The following ZNF692 variants were observed in gnomAD, a reference collection of about 807,000 sequenced individuals.
The protein encoded by ZNF692 is AICAR responsive element binding protein.
ZNF692 carries 41 observed loss-of-function variants against 49.0 expected under a neutral mutation model. The ratio of observed to expected loss-of-function variants is 0.84; its 90% CI spans 0.65 to 1.08. ZNF692 has a LOEUF of 1.08. ZNF692 is among the 50% of genes least tolerant of loss of function. The pLI, the probability that ZNF692 is intolerant of heterozygous loss-of-function variation, is 0.00. For missense variants in ZNF692, 662 were observed against 662.2 expected (o/e 1.00, Z 0.00); for synonymous variants, 288 against 251.5 (o/e 1.15, Z -1.37).
chr1:248,858,256 C>G lies in ZNF692; in HGVS notation c.54G>C (p.Arg18=). The change falls in exon 2 of 12, where the codon CGG becomes CGC. Residue 18 remains arginine, a synonymous_variant. Transcript: ENST00000306601. This position sits in a 1 kb window ranked among gnomAD's most constrained non-coding sequence, Gnocchi z 4.3. Reference sequence around the variant, plus strand: ...ACTTGCTGCGGCGCGCGTCCAGCTGCCGCCGCTTCTCCCGCCGCCTGCAGG... The same window carrying G: ...ACTTGCTGCGGCGCGCGTCCAGCTGGCGCCGCTTCTCCCGCCGCCTGCAGG... ...DVSCRRREKR[R]QLDARRSKCR... The G allele has an allele frequency of 6.3e-7, 1 of 1,583,172 alleles. No homozygotes were observed.
At chr1:248,851,595 C>G (rs1425788430) in intron 10 of ZNF692, among the ~76,000 whole-genome samples, 1 of 151,966 alleles carries the variant, frequency 6.6e-6, no homozygotes, top group African/African-American at 2.4e-5. Flanking sequence ...CATCACTCCC[C>G]CTCCATCCAC....
chr1:248,854,348 T>C, intron 9 of ZNF692: 2 of 322,616 alleles, frequency 6.2e-6, no homozygotes, highest in Admixed American at 4.3e-5. Context: ...TCCTGCAATG[T>C]TCCCTGTACA....
Position 248,850,021 on chromosome 1 carries a change from GTTTAT to G in ZNF692, c.*184_*188del. The G allele has an allele frequency of 1.8e-6, 1 of 553,388 alleles. No homozygotes were observed. Among genetic ancestry groups the G allele is most frequent in the Non-Finnish European group, 3.0e-6 (1 of 331,080 alleles). The allele number at this position is 553,388 out of a possible 1,614,324, so 34.3% of individuals were successfully genotyped here. ...CCCACACATGCCTGCATAAAATACT[GTTTAT>G]TTTGTCCTTTAGGAAGACTAAAGTA... On this transcript the variant is annotated 3_prime_UTR_variant, in exon 12 of 12. Transcript: ENST00000306601.
At chr1:248,852,770 T>C (rs1402575335) in intron 10 of ZNF692, among the ~76,000 whole-genome samples, 1 of 152,092 alleles carries the variant, frequency 6.6e-6, no homozygotes, top group Non-Finnish European at 1.5e-5. Flanking sequence ...TTTTCTATAC[T>C]CAGTTCCTCA....
chr1:248,850,424 G>A lies in ZNF692; in HGVS notation c.1346C>T (p.Pro449Leu). The change falls in exon 12 of 12, where the codon CCC becomes CTC. Residue 449 changes from proline to leucine, a missense_variant. Pro to Leu is a moderately conservative substitution (Grantham distance 98). Coordinates refer to ENST00000306601, the MANE Select transcript of ZNF692 (RefSeq NM_017865.4). ...AAAGCGCTTGCCGCAGAATTCACAG[G>A]GGAAGCGCAAGGCAGCCACCGTCTC... ...HAETVAALRF[P>L]CEFCGKRFEK... The A allele has an allele frequency of 1.2e-6, 2 of 1,614,140 alleles. No homozygotes were observed. The highest frequency in any genetic ancestry group is 1.7e-6 in the Non-Finnish European group (2 of 1,180,022).
At position 248,858,666 on chromosome 1, in the gene ZNF692, T is replaced by G; in HGVS notation, c.-13+252A>C. 5 of 1,003,848 alleles carry G rather than the reference T, an allele frequency of 5.0e-6. No homozygotes were observed. The South Asian group carries it at 6.9e-5, about 14-fold the overall frequency. The allele number at this position is 1,003,848 out of a possible 1,614,324, so 62.2% of individuals were successfully genotyped here. On this transcript the variant is annotated intron_variant, in intron 1 of 11. Coordinates refer to ENST00000306601, the MANE Select transcript of ZNF692 (RefSeq NM_017865.4). The surrounding 1 kb of genome is among the most constrained non-coding windows in gnomAD (Gnocchi z 4.3). ...TGGGGGCGGTCCACACATTTCATCT[T>G]GAATAGGGCAGCGGCCTTTACTGGT... is the stretch of plus-strand genomic sequence containing the variant.
At position 248,850,975 on chromosome 1, in the gene ZNF692, T is replaced by C. The variant is rs1017249223; in HGVS notation, c.1154-194A>G. On this transcript the variant is annotated intron_variant, in intron 10 of 11. Transcript: ENST00000306601. ...GATGGGTCATGACAACCAAGTAAGA[T>C]ACGAACCCAGCTAAAAGACTTCATT... is the stretch of plus-strand genomic sequence containing the variant. 4.9e-5 allele frequency: 34 copies of C among 700,556 alleles called. No homozygotes were observed. In the African/African-American group the frequency reaches 5.4e-4, roughly 11 times the overall value. The allele number at this position is 700,556 out of a possible 1,614,324, so 43.4% of individuals were successfully genotyped here.
chr1:248,850,736 G>A lies in ZNF692; in HGVS notation c.1199C>T (p.Thr400Ile), dbSNP rs761612995. ...ICEFCARSFRTSSNLVIHRRI... is the reference protein window; with the variant it reads ...ICEFCARSFRISSNLVIHRRI... ...TCTGTGGATGACAAGGTTGCTGCTA[G>A]TGCGGAAAGACCGGGCGCAGAACTC... The change falls in exon 11 of 12, where the codon ACT becomes ATT. Residue 400 changes from threonine to isoleucine, a missense_variant. Physicochemically the swap from Thr to Ile is moderately conservative, Grantham distance 89. Transcript: ENST00000306601. 2.5e-6 allele frequency: 4 copies of A among 1,614,006 alleles called. No individual in the cohort carries two copies. In the South Asian group the frequency reaches 4.4e-5, roughly 18 times the overall value.
Position 248,854,412 on chromosome 1 carries a change from G to C in ZNF692, c.1039-361C>G, listed in dbSNP as rs182984209. On this transcript the variant is annotated intron_variant, in intron 9 of 11. Transcript: ENST00000306601. ...TCACCTAATCATGAATGCACTATCT[G>C]CTGCAGAGGGGAAAGCAGTTTGGGT... The C allele has an allele frequency of 1.9e-3, 368 of 197,864 alleles. 1 individual carries two copies. The highest frequency in any genetic ancestry group is 6.0e-3 in the Middle Eastern group (3 of 498). The allele number at this position is 197,864 out of a possible 1,614,324, so 12.3% of individuals were successfully genotyped here.
chr1:248,853,772 G>A (rs1160620014), intron 10 of ZNF692, among the ~76,000 whole-genome samples, 165 bp downstream of exon 10: 12 of 152,232 alleles, frequency 7.9e-5, no homozygotes, highest in Non-Finnish European at 1.0e-4. Flanking sequence ...GGGCATACAG[G>A]ATGAGGGAGA....
At chr1:248,851,607 C>A (rs1180785849) in intron 10 of ZNF692, among the ~76,000 whole-genome samples, 1 of 152,052 alleles carries the variant, frequency 6.6e-6, no homozygotes, top group Non-Finnish European at 1.5e-5. Flanking sequence ...TCCATCCACA[C>A]AACTCTAGGT....
intron 3 of ZNF692, 28 bp from the exon 4 acceptor site, chr1:248,857,525 T>C (rs749759379): frequency 8.8e-6 from 14 of 1,596,436 alleles, no homozygotes; most frequent in African/African-American, 4.0e-5. Flanking sequence ...GCAGTCAGGC[T>C]GAACTGGGAA....
intron 3 of ZNF692, 70 bp from the exon 4 acceptor site, chr1:248,857,567 C>A: frequency 6.5e-7 from 1 of 1,545,042 alleles, no homozygotes; most frequent in Non-Finnish European, 8.7e-7. Context: ...GAGCCATACC[C>A]AGGGAGCCCT....
At position 248,858,444 on chromosome 1, in the gene ZNF692, A is replaced by G; in HGVS notation, c.-12-123T>C. The G allele has an allele frequency of 1.9e-6, 3 of 1,551,426 alleles. No homozygotes were observed. The highest frequency in any genetic ancestry group is 2.6e-6 in the Non-Finnish European group (3 of 1,146,746). On this transcript the variant is annotated intron_variant, in intron 1 of 11. Transcript: ENST00000306601. This position sits in a 1 kb window ranked among gnomAD's most constrained non-coding sequence, Gnocchi z 4.3. ...ACTGGGGCAAGACTAAACTATTTCA[A>G]TAGCAGTGGCAGGTGTGGAGCCAAA...
Position 248,858,222 on chromosome 1 carries a change from G to A in ZNF692, c.88C>T (p.Arg30Cys). The A allele has an allele frequency of 1.9e-6, 3 of 1,592,948 alleles. No homozygotes were observed. Among genetic ancestry groups the A allele is most frequent in the South Asian group, 2.2e-5 (2 of 90,024 alleles). Residue 30 changes from arginine to cysteine, a missense_variant, in exon 2 of 12, where the codon CGC becomes TGC. Physicochemically the swap from Arg to Cys is radical, Grantham distance 180. Coordinates refer to ENST00000306601, the MANE Select transcript of ZNF692 (RefSeq NM_017865.4). This position sits in a 1 kb window ranked among gnomAD's most constrained non-coding sequence, Gnocchi z 4.3. ...CACTGCTCCATGTGGCCGCCCAGGC[G>A]GATGCGGCACTTGCTGCGGCGCGCG... ...LDARRSKCRI[R>C]LGGHMEQWCL...
At chr1:248,857,776 C>T in intron 3 of ZNF692, 52 bp downstream of exon 3, 2 of 1,600,024 alleles carry the variant, frequency 1.2e-6, no homozygotes, top group South Asian at 1.1e-5. Flanking sequence ...TTCTGGGTCA[C>T]CCTGTGGTCC....
At chr1:248,851,778 A>G (rs773252930) in intron 10 of ZNF692, among the ~76,000 whole-genome samples, 1 of 152,192 alleles carries the variant, frequency 6.6e-6, no homozygotes. Context: ...TTCTTCTAAG[A>G]TACAGTGGGT....
chr1:248,857,264 A>T lies in ZNF692; in HGVS notation c.445T>A (p.Ser149Thr). Reference protein sequence around the residue: ...LPHTTRRSWCSEATSGQELAD... With the variant: ...LPHTTRRSWCTEATSGQELAD... ...AGCTCCTGCCCACTCGTGGCCTCGGAACACCAACTTCTCCGAGTAGTATGT... is the reference window on the plus strand; with the variant it reads ...AGCTCCTGCCCACTCGTGGCCTCGGTACACCAACTTCTCCGAGTAGTATGT... Residue 149 changes from serine to threonine, a missense_variant, in exon 4 of 12, where the codon TCC becomes ACC. Ser to Thr is a moderately conservative substitution (Grantham distance 58, BLOSUM62 1). Coordinates refer to ENST00000306601, the MANE Select transcript of ZNF692 (RefSeq NM_017865.4). The T allele has an allele frequency of 6.2e-7, 1 of 1,613,950 alleles. No individual in the cohort carries two copies. Among genetic ancestry groups the T allele is most frequent in the South Asian group, 1.1e-5 (1 of 91,062 alleles).
chr1:248,850,379 G>A lies in ZNF692; in HGVS notation c.1391C>T (p.Ala464Val). ...GKRFEKPDSV[A>V]AHRSKSHPAL... is the part of the protein sequence containing the mutation. The stretch of plus-strand genomic sequence containing the variant: ...TGGGTGACTTTTGCTACGGTGGGCT[G>A]CAACACTGTCTGGCTTCTCAAAGCG... Residue 464 changes from alanine to valine, a missense_variant, in exon 12 of 12, where the codon GCA becomes GTA. Transcript: ENST00000306601. The A allele has an allele frequency of 6.2e-7, 1 of 1,614,128 alleles. No homozygotes were observed. Among genetic ancestry groups the A allele is most frequent in the Non-Finnish European group, 8.5e-7 (1 of 1,180,014 alleles).
Sources: gnomAD v4.1 joint callset for allele counts (sites outside exome capture counted in the v4.1 genomes callset) on GRCh38, gnomAD v4.1.1 for gene constraint, Gnocchi (gnomAD v3.1) non-coding constraint, MANE v1.5 for transcripts, NCBI Gene and HGNC (gene_info 2026-07-23, HGNC 2026-07-21) for gene names.